SHQ1: variants seen among roughly 807,000 people sequenced by gnomAD.
SHQ1 encodes SHQ1, H/ACA ribonucleoprotein assembly factor, also known as protein SHQ1 homolog.
Under a neutral mutation model 53.8 loss-of-function variants are expected in SHQ1, and 49 were observed. The observed-to-expected ratio is 0.91, with a 90% CI of 0.72 to 1.16. The LOEUF (loss-of-function observed/expected upper bound fraction) is 1.16, where lower values mean the gene tolerates loss of function less well. Among genes scored for constraint, SHQ1 ranks in the 50% most tolerant of loss-of-function variants. SHQ1 has a pLI of 0.00. For synonymous variants in SHQ1, 243 were observed against 251.0 expected (o/e 0.97, Z 0.30); for missense variants, 738 against 683.1 (o/e 1.08, Z -0.90).
the SHQ1 span, among the ~76,000 whole-genome samples, chr3:72,741,449 G>T: frequency 2.6e-5 from 4 of 152,176 alleles, no homozygotes; most frequent in African/African-American, 7.2e-5. Context: ...AGCCAGATGT[G>T]GTGGCAGACG....
intron 4 of SHQ1, among the ~76,000 whole-genome samples, chr3:72,835,544 C>A (rs141427576): frequency 2.0e-5 from 3 of 152,274 alleles, no homozygotes; most frequent in Middle Eastern, 3.4e-3. Context: ...ACCTGTGAGT[C>A]TCTGTAGACA....
At chr3:72,730,767 A>G in the SHQ1 span, among the ~76,000 whole-genome samples, 1 of 152,064 alleles carries the variant, frequency 6.6e-6, no homozygotes. Context: ...CCTCTTGTCA[A>G]TGTCAAATGT....
chr3:72,834,001 T>C (rs1283197686), intron 4 of SHQ1, among the ~76,000 whole-genome samples: 1 of 152,236 alleles, frequency 6.6e-6, no homozygotes, highest in Admixed American at 6.5e-5. Context: ...TATAGGTTGG[T>C]GCCTAATAGG....
At chr3:72,741,146 C>T in the SHQ1 span, among the ~76,000 whole-genome samples, 1 of 152,292 alleles carries the variant, frequency 6.6e-6, no homozygotes, top group South Asian at 2.1e-4. Flanking sequence ...TCAAGAACCC[C>T]TGGATTAGTA....
At chr3:72,788,675 G>T (rs1706334268) in intron 10 of SHQ1, among the ~76,000 whole-genome samples, 1 of 152,202 alleles carries the variant, frequency 6.6e-6, no homozygotes, top group Non-Finnish European at 1.5e-5. Context: ...AGATCAGATT[G>T]TTACTGTGTC....
intron 6 of SHQ1, among the ~76,000 whole-genome samples, chr3:72,822,893 T>TA (rs1276640778): frequency 6.6e-6 from 1 of 152,166 alleles, no homozygotes; most frequent in Non-Finnish European, 1.5e-5. Context: ...CTCACACCTG[T>TA]AATCCCAGCA....
At chr3:72,788,508 G>A (rs1250145657) in intron 10 of SHQ1, among the ~76,000 whole-genome samples, 3 of 149,326 alleles carry the variant, frequency 2.0e-5, no homozygotes, top group South Asian at 2.1e-4. Context: ...TAGGGGGGGC[G>A]CCTCTGCCCT....
chr3:72,751,900 C>A lies in SHQ1; in HGVS notation c.1182-1064G>T, dbSNP rs551276239. On this transcript the variant is annotated intron_variant, in intron 10 of 10. Transcript: ENST00000325599. ...ATGTATATACCCTGGACCCAGCAAG[C>A]CCCATGTCTGAATAACTTTCAAAAT... 3.9e-5 allele frequency among the ~76,000 whole-genome samples: 6 copies of A among 152,130 alleles called. No individual in the cohort carries two copies. In the East Asian group the frequency reaches 1.2e-3, roughly 29 times the overall value.
At chr3:72,791,260 G>A (rs958507868) in intron 10 of SHQ1, among the ~76,000 whole-genome samples, 1 of 152,138 alleles carries the variant, frequency 6.6e-6, no homozygotes, top group African/African-American at 2.4e-5. Context: ...AGTAACAACA[G>A]GAAATGGCAG....
At chr3:72,784,191 T>G (rs912371806) in intron 10 of SHQ1, among the ~76,000 whole-genome samples, 1 of 151,030 alleles carries the variant, frequency 6.6e-6, no homozygotes. Flanking sequence ...AACAAAAATA[T>G]CCCATAAACC....
At chr3:72,765,557 A>ATATATATT (rs1491527508) in intron 10 of SHQ1, among the ~76,000 whole-genome samples, 50 of 57,184 alleles carry the variant, frequency 8.7e-4, no homozygotes, top group African/African-American at 3.7e-3. Flanking sequence ...ATATATATAT[A>ATATATATT]TTTTTTTTTT....
At chr3:72,835,375 T>G (rs1236778007) in intron 4 of SHQ1, among the ~76,000 whole-genome samples, 1 of 152,140 alleles carries the variant, frequency 6.6e-6, no homozygotes, top group African/African-American at 2.4e-5. Context: ...CCTCTTCCAC[T>G]GCTGCTCCCT....
At chr3:72,790,820 A>C (rs925550066) in intron 10 of SHQ1, among the ~76,000 whole-genome samples, 1 of 152,232 alleles carries the variant, frequency 6.6e-6, no homozygotes, top group African/African-American at 2.4e-5. Flanking sequence ...TTATGTTCAA[A>C]TTGGTAAAGT....
chr3:72,759,821 A>G (rs186583858), intron 10 of SHQ1, among the ~76,000 whole-genome samples: 193 of 152,370 alleles, frequency 1.3e-3, no homozygotes, highest in African/African-American at 4.3e-3. Flanking sequence ...CTAATTCTCA[A>G]AAACAGCAAA....
chr3:72,742,615 TTTTC>T, the SHQ1 span, among the ~76,000 whole-genome samples: 1 of 134,366 alleles, frequency 7.4e-6, no homozygotes, highest in African/African-American at 3.1e-5. Context: ...TTTTTTCTTT[TTTTC>T]TTTTTTTTTT....
At chr3:72,796,330 G>A (rs953419568) in intron 9 of SHQ1, among the ~76,000 whole-genome samples, 3 of 151,914 alleles carry the variant, frequency 2.0e-5, no homozygotes, top group African/African-American at 4.8e-5. Context: ...CCCTACTCCC[G>A]AGATCATAAT....
intron 5 of SHQ1, among the ~76,000 whole-genome samples, chr3:72,827,674 C>T (rs542184406): frequency 4.6e-5 from 7 of 151,034 alleles, no homozygotes; most frequent in East Asian, 3.9e-4. Context: ...CTGACGGTGA[C>T]TAATGTTTTA....
intron 10 of SHQ1, among the ~76,000 whole-genome samples, chr3:72,764,081 G>A (rs1575678844): frequency 6.6e-6 from 1 of 151,488 alleles, no homozygotes. Context: ...GTAATAACAT[G>A]AGGGGAATAG....
At chr3:72,794,330 C>G (rs905724762) in intron 9 of SHQ1, 2 of 152,158 alleles carry the variant, frequency 1.3e-5, no homozygotes, top group Admixed American at 6.5e-5. Flanking sequence ...TTCAAAAGAG[C>G]AGGGGCTTCT....
Sources: gnomAD v4.1 joint callset for allele counts (sites outside exome capture counted in the v4.1 genomes callset) on GRCh38, gnomAD v4.1.1 for gene constraint, MANE v1.5 for transcripts, NCBI Gene and HGNC (gene_info 2026-07-23, HGNC 2026-07-21) for gene names.